Variants in RBFOX1 observed in about 807,000 individuals in gnomAD.
RBFOX1 encodes the protein RNA binding fox-1 homolog 1.
RBFOX1 carries 8 observed loss-of-function variants against 57.7 expected under a neutral mutation model. The ratio of observed to expected loss-of-function variants is 0.14; its 90% CI spans 0.08 to 0.25. RBFOX1 has a LOEUF of 0.25. Ranked by LOEUF, RBFOX1 falls within the 10% of genes least tolerant of loss-of-function variation. The probability of loss-of-function intolerance (pLI) is 1.00; values close to 1 mark genes in which losing one functional copy is unlikely to be tolerated. For missense variants in RBFOX1, 611 were observed against 548.5 expected (o/e 1.11, Z -1.14); for synonymous variants, 326 against 222.4 (o/e 1.47, Z -4.15).
intron 1 of RBFOX1, among the ~76,000 whole-genome samples, chr16:6,053,406 G>C (rs1488407887): frequency 6.6e-6 from 1 of 152,218 alleles, no homozygotes; most frequent in East Asian, 1.9e-4. Context: ...GGAGAAAGGG[G>C]ATTGTTCTAG....
chr16:6,889,500 G>T (rs1271987580), intron 3 of RBFOX1, among the ~76,000 whole-genome samples: 1 of 152,154 alleles, frequency 6.6e-6, no homozygotes, highest in Non-Finnish European at 1.5e-5. Flanking sequence ...CATGTATTTT[G>T]AGCTGTGTGT....
At position 6,895,486 on chromosome 16, in the gene RBFOX1, A is replaced by ATATATATATATATATG. The variant is rs1231560510; in HGVS notation, c.-15-156570_-15-156569insATATATATATATATGT. ...TATATATATATATATATATATATATATTTATTCCCCTATTGGATAACAAGC... is the reference window on the plus strand; with the variant it reads ...TATATATATATATATATATATATATATATATATATATATATGTTTATTCCCCTATTGGATAACAAGC... On this transcript the variant is annotated intron_variant, in intron 3 of 15. Coordinates refer to ENST00000550418, the MANE Select transcript of RBFOX1 (RefSeq NM_018723.4). Among the ~76,000 whole-genome samples, 278 of 91,634 alleles carry ATATATATATATATATG rather than the reference A, an allele frequency of 3.0e-3. 4 individuals carry two copies. Among genetic ancestry groups the ATATATATATATATATG allele is most frequent in the Non-Finnish European group, 4.9e-3 (218 of 44,938 alleles). The allele number at this position is 91,634 out of a possible 152,430, so 60.1% of individuals were successfully genotyped here.
At chr16:6,196,038 C>G (rs1403496712) in intron 1 of RBFOX1, among the ~76,000 whole-genome samples, 1 of 152,126 alleles carries the variant, frequency 6.6e-6, no homozygotes, top group East Asian at 1.9e-4. Context: ...AAAATAAATC[C>G]TATGAGAACC....
intron 2 of RBFOX1, among the ~76,000 whole-genome samples, chr16:5,489,896 C>A (rs780035678): frequency 2.6e-5 from 4 of 152,232 alleles, no homozygotes; most frequent in Non-Finnish European, 5.9e-5. Flanking sequence ...TAGCTGGCAA[C>A]CTTCTTGGCA....
intron 1 of RBFOX1, among the ~76,000 whole-genome samples, chr16:5,296,082 C>T (rs936203996): frequency 1.0e-5 from 1 of 95,734 alleles, no homozygotes; most frequent in Non-Finnish European, 2.8e-5. Context: ...CCCGGGTTCC[C>T]CCTGAGCTTC....
intron 3 of RBFOX1, among the ~76,000 whole-genome samples, chr16:6,791,532 G>C (rs757760670): frequency 1.5e-4 from 23 of 152,278 alleles, no homozygotes; most frequent in Non-Finnish European, 2.9e-4. Flanking sequence ...GCCGAGGTGG[G>C]TGGATCTCTT....
At chr16:6,552,567 G>A (rs1383748388) in intron 2 of RBFOX1, among the ~76,000 whole-genome samples, 1 of 152,142 alleles carries the variant, frequency 6.6e-6, no homozygotes, top group African/African-American at 2.4e-5. Context: ...TGCATTGATG[G>A]CAATGATAAA....
At chr16:5,518,248 G>A (rs78606904) in intron 2 of RBFOX1, among the ~76,000 whole-genome samples, 2,834 of 152,212 alleles carry the variant, frequency 0.019, 78 homozygotes, top group African/African-American at 0.065. Context: ...AAAGTGCATC[G>A]TATACTGACT....
At chr16:5,906,513 C>A (rs1404121053) in intron 4 of RBFOX1, among the ~76,000 whole-genome samples, 1 of 151,570 alleles carries the variant, frequency 6.6e-6, no homozygotes, top group Non-Finnish European at 1.5e-5. Context: ...GCCTCCAGAA[C>A]TGAGATGATA....
At chr16:7,077,705 T>C (rs1255854242) in intron 4 of RBFOX1, among the ~76,000 whole-genome samples, 2 of 152,224 alleles carry the variant, frequency 1.3e-5, no homozygotes, top group African/African-American at 4.8e-5. Context: ...GTCGGGTTGA[T>C]AGAAATGGAA....
chr16:7,696,994 C>G (rs2079002630), intron 14 of RBFOX1, among the ~76,000 whole-genome samples: 1 of 152,072 alleles, frequency 6.6e-6, no homozygotes, highest in Admixed American at 6.6e-5. Flanking sequence ...AGGAGGTAGA[C>G]AGGGGTCAGA....
intron 4 of RBFOX1, among the ~76,000 whole-genome samples, chr16:7,233,684 A>G (rs562048740): frequency 3.4e-4 from 52 of 152,326 alleles, no homozygotes; most frequent in Non-Finnish European, 6.6e-4. Flanking sequence ...TTAGCAAAAG[A>G]TGGGGGCCCC....
At chr16:6,847,197 G>T (rs1245181061) in intron 3 of RBFOX1, among the ~76,000 whole-genome samples, 3 of 152,068 alleles carry the variant, frequency 2.0e-5, no homozygotes, top group Non-Finnish European at 4.4e-5. Context: ...ACTTAATATT[G>T]GTCATTTAAT....
At chr16:6,329,331 C>G (rs907887223) in intron 2 of RBFOX1, among the ~76,000 whole-genome samples, 3 of 152,194 alleles carry the variant, frequency 2.0e-5, no homozygotes, top group African/African-American at 7.2e-5. Context: ...CTAATTATTA[C>G]TCTTCTACAG....
intron 3 of RBFOX1, among the ~76,000 whole-genome samples, chr16:6,656,142 A>C (rs1431893866): frequency 6.6e-6 from 1 of 152,162 alleles, no homozygotes; most frequent in African/African-American, 2.4e-5. Context: ...ATTGCTGCTT[A>C]GGTGAAGCGT....
intron 10 of RBFOX1, among the ~76,000 whole-genome samples, chr16:7,616,124 C>G (rs1374339602): frequency 6.6e-6 from 1 of 152,214 alleles, no homozygotes; most frequent in African/African-American, 2.4e-5. Context: ...CAAGACCACT[C>G]TCAGGCTCCA....
chr16:5,754,051 G>A (rs2053310090), intron 3 of RBFOX1, among the ~76,000 whole-genome samples: 1 of 152,114 alleles, frequency 6.6e-6, no homozygotes. Context: ...TAGTATGCAT[G>A]TGTTGATAAT....
chr16:6,921,594 A>G (rs1462938664), intron 3 of RBFOX1, among the ~76,000 whole-genome samples: 1 of 151,496 alleles, frequency 6.6e-6, no homozygotes, highest in Non-Finnish European at 1.5e-5. Context: ...GCAGTGGAGA[A>G]AGAATAATTT....
chr16:6,161,325 G>T (rs887254567), intron 1 of RBFOX1, among the ~76,000 whole-genome samples: 7 of 151,714 alleles, frequency 4.6e-5, no homozygotes, highest in Admixed American at 3.3e-4. Flanking sequence ...GGAGGCAAAG[G>T]TTGCAGTGAG....
Sources: allele counts gnomAD v4.1 joint callset (sites outside exome capture counted in the v4.1 genomes callset), GRCh38; gene constraint gnomAD v4.1.1; transcripts MANE v1.5; gene names NCBI Gene and HGNC (gene_info 2026-07-23, HGNC 2026-07-21).